Variants in EXOC4 observed in about 807,000 individuals in gnomAD.
The protein encoded by EXOC4 is SEC8-like 1.
A neutral mutation model predicts 107.2 loss-of-function variants in EXOC4; 71 were observed. The observed-to-expected ratio is 0.66, with a 90% confidence interval of 0.55 to 0.81. The LOEUF is 0.81. Ranked by LOEUF, EXOC4 falls within the 30% of genes least tolerant of loss-of-function variation. The pLI is 0.00. For missense variants in EXOC4, 1,108 were observed against 1,189.6 expected (o/e 0.93, Z 1.01); for synonymous variants, 456 against 441.2 (o/e 1.03, Z -0.42).
chr7:133,395,073 A>C (rs776184421), intron 7 of EXOC4, among the ~76,000 whole-genome samples: 1 of 147,742 alleles, frequency 6.8e-6, no homozygotes, highest in Non-Finnish European at 1.5e-5. Flanking sequence ...CCAAATCTTT[A>C]TATTATTTTT....
chr7:134,041,678 T>G (rs1432138120), intron 17 of EXOC4, among the ~76,000 whole-genome samples: 1 of 152,202 alleles, frequency 6.6e-6, no homozygotes, highest in Non-Finnish European at 1.5e-5. Context: ...ATTAAAGATT[T>G]AGATAAGTGC....
intron 10 of EXOC4, among the ~76,000 whole-genome samples, chr7:133,705,226 G>A (rs940648227): frequency 2.0e-5 from 3 of 152,014 alleles, no homozygotes; most frequent in Admixed American, 6.6e-5. Flanking sequence ...AATTAGCCAG[G>A]TGTGGTGGTG....
intron 10 of EXOC4, among the ~76,000 whole-genome samples, chr7:133,736,334 T>C (rs997896925): frequency 1.3e-5 from 2 of 152,166 alleles, no homozygotes; most frequent in Non-Finnish European, 2.9e-5. Context: ...GAACAGTGTT[T>C]TCAGCCCTGG....
At chr7:133,966,052 G>A (rs1191876636) in intron 14 of EXOC4, among the ~76,000 whole-genome samples, 1 of 152,170 alleles carries the variant, frequency 6.6e-6, no homozygotes, top group East Asian at 1.9e-4. Flanking sequence ...TCCCTTGTAA[G>A]TTTGATTCCT....
intron 1 of EXOC4, among the ~76,000 whole-genome samples, chr7:133,255,644 G>T (rs144482448): frequency 6.6e-6 from 1 of 152,334 alleles, no homozygotes; most frequent in Non-Finnish European, 1.5e-5. Flanking sequence ...TGGTGTTGGT[G>T]TTTGTATTTC....
chr7:134,070,174 CAT>C (rs768042397), downstream of EXOC4, among the ~76,000 whole-genome samples: 7 of 152,166 alleles, frequency 4.6e-5, no homozygotes, highest in East Asian at 3.9e-4. Flanking sequence ...AACAAGAAAA[CAT>C]AAAGAATCAC....
At chr7:133,814,871 T>A (rs1007769121) in intron 10 of EXOC4, among the ~76,000 whole-genome samples, 2 of 152,220 alleles carry the variant, frequency 1.3e-5, no homozygotes, top group African/African-American at 4.8e-5. Context: ...TTTGGTTTTT[T>A]TTCTTGTTGA....
At chr7:133,401,498 C>CA (rs1797088938) in intron 7 of EXOC4, among the ~76,000 whole-genome samples, 1 of 151,604 alleles carries the variant, frequency 6.6e-6, no homozygotes, top group African/African-American at 2.4e-5. Context: ...CCCTTCTCTA[C>CA]AAAAAATAAA....
At chr7:133,338,571 A>G (rs189326361) in intron 5 of EXOC4, among the ~76,000 whole-genome samples, 1 of 125,190 alleles carries the variant, frequency 8.0e-6, no homozygotes, top group Admixed American at 1.0e-4. Flanking sequence ...CCGCAGTCCG[A>G]CCTGGGCGCC....
intron 9 of EXOC4, chr7:133,480,454 G>A: frequency 3.6e-6 from 4 of 1,120,780 alleles, no homozygotes; most frequent in Non-Finnish European, 4.4e-6. Flanking sequence ...TTCTGCGACT[G>A]CCACTGTTAC....
chr7:133,367,762 G>A (rs1036502361), intron 6 of EXOC4, among the ~76,000 whole-genome samples: 1 of 152,150 alleles, frequency 6.6e-6, no homozygotes, highest in South Asian at 2.1e-4. Flanking sequence ...GCTGCCCTAA[G>A]GATGAAATGA....
intron 3 of EXOC4, among the ~76,000 whole-genome samples, chr7:133,295,021 A>C (rs756060662): frequency 5.3e-5 from 8 of 152,180 alleles, no homozygotes; most frequent in Non-Finnish European, 8.8e-5. Context: ...AACTGTGTAC[A>C]TAAAGTATAT....
the EXOC4 span, among the ~76,000 whole-genome samples, chr7:134,082,492 G>A: frequency 6.6e-6 from 1 of 152,204 alleles, no homozygotes; most frequent in Non-Finnish European, 1.5e-5. Context: ...CCAGGCTGGA[G>A]TGCAGTGGCA....
downstream of EXOC4, chr7:134,066,187 T>G (rs972449347): frequency 6.6e-6 from 1 of 152,346 alleles, no homozygotes; most frequent in Non-Finnish European, 1.5e-5. Flanking sequence ...TAGGGTTGCC[T>G]AAGCTGCTGC....
intron 2 of EXOC4, among the ~76,000 whole-genome samples, chr7:133,278,225 A>G (rs778340033): frequency 6.6e-6 from 1 of 152,220 alleles, no homozygotes; most frequent in Non-Finnish European, 1.5e-5. Flanking sequence ...TGTAGTCTCT[A>G]TGTATCGAGT....
At chr7:133,496,212 C>T (rs1168720154) in intron 9 of EXOC4, among the ~76,000 whole-genome samples, 4 of 151,934 alleles carry the variant, frequency 2.6e-5, no homozygotes, top group Non-Finnish European at 5.9e-5. Context: ...TGCAGTGCAC[C>T]GGTGTGATCA....
chr7:133,465,074 C>A (rs991379353), intron 7 of EXOC4, among the ~76,000 whole-genome samples: 1 of 151,894 alleles, frequency 6.6e-6, no homozygotes, highest in Non-Finnish European at 1.5e-5. Flanking sequence ...CCCACCTTGG[C>A]CTCACAAAGT....
At chr7:133,713,713 A>T (rs1489135110) in intron 10 of EXOC4, among the ~76,000 whole-genome samples, 1 of 151,980 alleles carries the variant, frequency 6.6e-6, no homozygotes, top group African/African-American at 2.4e-5. Context: ...ATGAGTTCTC[A>T]TGAGATCTGA....
At chr7:134,000,879 C>A (rs145835531) in intron 15 of EXOC4, among the ~76,000 whole-genome samples, 1 of 152,194 alleles carries the variant, frequency 6.6e-6, no homozygotes, top group East Asian at 1.9e-4. Context: ...TCCAGAACAA[C>A]TTCAGATGCC....
Sources: gnomAD v4.1 joint callset for allele counts (sites outside exome capture counted in the v4.1 genomes callset) on GRCh38, gnomAD v4.1.1 for gene constraint, MANE v1.5 for transcripts, NCBI Gene and HGNC (gene_info 2026-07-23, HGNC 2026-07-21) for gene names.